GNA14: variants seen among roughly 807,000 people sequenced by gnomAD.
GNA14 encodes guanine nucleotide-binding protein subunit alpha-14.
Under a neutral mutation model 42.0 loss-of-function variants are expected in GNA14, and 50 were observed. The observed-to-expected ratio is 1.19, with a 90% CI of 0.95 to 1.51. GNA14 has a LOEUF of 1.51. Ranked by LOEUF, GNA14 falls within the 40% of genes most tolerant of loss-of-function variation. The pLI, the probability that GNA14 is intolerant of heterozygous loss-of-function variation, is 0.00. For synonymous variants in GNA14, 173 were observed against 163.1 expected (o/e 1.06, Z -0.46); for missense variants, 473 against 446.2 (o/e 1.06, Z -0.54).
chr9:77,639,375 TC>T (rs1824224284), intron 1 of GNA14, among the ~76,000 whole-genome samples: 1 of 152,208 alleles, frequency 6.6e-6, no homozygotes, highest in Non-Finnish European at 1.5e-5. Flanking sequence ...GGGTTGTTAT[TC>T]CCCTTTAACA....
At chr9:77,563,543 C>T (rs1304804397) in intron 1 of GNA14, among the ~76,000 whole-genome samples, 1 of 152,082 alleles carries the variant, frequency 6.6e-6, no homozygotes, top group African/African-American at 2.4e-5. Flanking sequence ...TAAAATATGC[C>T]TGATTCTTCA....
intron 1 of GNA14, among the ~76,000 whole-genome samples, chr9:77,556,992 A>AC (rs548987870): frequency 8.6e-4 from 131 of 152,112 alleles, no homozygotes; most frequent in Non-Finnish European, 1.6e-3. Context: ...ACATTTTTCC[A>AC]CCCCACACAG....
At chr9:77,597,277 G>A (rs375176094) in intron 1 of GNA14, among the ~76,000 whole-genome samples, 1 of 152,104 alleles carries the variant, frequency 6.6e-6, no homozygotes, top group African/African-American at 2.4e-5. Context: ...CAAACCAAAC[G>A]TCTTGCCCTT....
At chr9:77,463,784 G>A (rs2131714537) in intron 2 of GNA14, among the ~76,000 whole-genome samples, 1 of 150,666 alleles carries the variant, frequency 6.6e-6, no homozygotes, top group African/African-American at 2.5e-5. Context: ...ATTGGGATAG[G>A]AGAGCAGCTT....
Position 77,648,091 on chromosome 9 carries a change from C to G in GNA14, c.-298G>C. On this transcript the variant is annotated 5_prime_UTR_variant, in exon 1 of 7. Coordinates refer to ENST00000341700, the MANE Select transcript of GNA14 (RefSeq NM_004297.4). ...GGAGGGCGAGTCGAGAAGTTGGGAGCGTTGCTGGCCCCGGGAAGATGCGCG... is the reference window on the plus strand; with the variant it reads ...GGAGGGCGAGTCGAGAAGTTGGGAGGGTTGCTGGCCCCGGGAAGATGCGCG... 2.3e-6 allele frequency: 1 copy of G among 434,132 alleles called. No individual in the cohort carries two copies. The allele number at this position is 434,132 out of a possible 1,614,324, so 26.9% of individuals were successfully genotyped here.
Position 77,424,096 on chromosome 9 carries a change from C to A in GNA14, c.951G>T (p.Glu317Asp), listed in dbSNP as rs1343395112. The A allele has an allele frequency of 1.2e-6, 2 of 1,612,780 alleles. No individual in the cohort carries two copies. Among genetic ancestry groups the A allele is most frequent in the Admixed American group, 3.3e-5 (2 of 59,944 alleles). The part of the protein sequence containing the change: ...KLYQDQNPDK[E>D]KVIYSHFTCA... ...ATGTGAAGTGAGAGTAGATGACTTT[C>A]TCTTTGTCAGGATTCTGATCTTGGT... Residue 317 changes from glutamate (E) to aspartate (D), a missense_variant, in exon 7 of 7, where the codon GAG becomes GAT. Glu to Asp is a conservative substitution (Grantham distance 45, BLOSUM62 2). Transcript: ENST00000341700.
rs144028473 is a variant in GNA14, at chr9:77,494,033, G to A, written c.309+35036C>T. On this transcript the variant is annotated intron_variant, in intron 2 of 6. Transcript: ENST00000341700. ...CCTCCCGGGTTGAAGTGATTCTCGTGACTCAGCCTCCCAAGTAGCTTGGAT... is the reference window on the plus strand; with the variant it reads ...CCTCCCGGGTTGAAGTGATTCTCGTAACTCAGCCTCCCAAGTAGCTTGGAT... 2.3e-3 allele frequency among the ~76,000 whole-genome samples: 350 copies of A among 152,216 alleles called. 2 individuals are homozygous for A. Among genetic ancestry groups the A allele is most frequent in the African/African-American group, 7.5e-3 (312 of 41,522 alleles).
intron 1 of GNA14, among the ~76,000 whole-genome samples, chr9:77,536,345 G>GT (rs151254985): frequency 6.0e-5 from 9 of 150,568 alleles, no homozygotes; most frequent in African/African-American, 1.2e-4. Flanking sequence ...TTTTTGTTAG[G>GT]TTTTTTTTGT....
chr9:77,576,375 ATC>A (rs1383029811), intron 1 of GNA14, among the ~76,000 whole-genome samples: 2 of 152,226 alleles, frequency 1.3e-5, no homozygotes, highest in African/African-American at 4.8e-5. Context: ...TTTTAAAAAC[ATC>A]TAAATTTTTA....
chr9:77,608,426 A>G (rs769734161), intron 1 of GNA14, among the ~76,000 whole-genome samples: 2 of 152,210 alleles, frequency 1.3e-5, no homozygotes, highest in African/African-American at 2.4e-5. Context: ...TAAATCTGGA[A>G]TGAGTTCTTC....
intron 1 of GNA14, among the ~76,000 whole-genome samples, chr9:77,555,196 A>C (rs1237117710): frequency 6.6e-6 from 1 of 152,204 alleles, no homozygotes; most frequent in East Asian, 1.9e-4. Context: ...TAACACTTTA[A>C]AAGTTTCAGT....
chr9:77,539,401 G>A (rs1236055137), intron 1 of GNA14, among the ~76,000 whole-genome samples: 2 of 152,080 alleles, frequency 1.3e-5, no homozygotes, highest in Non-Finnish European at 2.9e-5. Flanking sequence ...TGTTGGATTT[G>A]GTTTGCTAGT....
In GNA14 at chr9:77,545,709, A is replaced by G. The variant is rs144696363; in HGVS notation, c.125-16456T>C. On this transcript the variant is annotated intron_variant, in intron 1 of 6. Coordinates refer to ENST00000341700, the MANE Select transcript of GNA14 (RefSeq NM_004297.4). Reference sequence around the variant, plus strand: ...GTCAGAGTGTCCAACTCATCCTCACACTGTTCCGCATTACTTTTCCCATAA... The same window carrying G: ...GTCAGAGTGTCCAACTCATCCTCACGCTGTTCCGCATTACTTTTCCCATAA... Among the ~76,000 whole-genome samples, 918 of 152,148 alleles carry G rather than the reference A, an allele frequency of 6.0e-3. 10 individuals carry two copies. The highest frequency in any genetic ancestry group is 0.021 in the African/African-American group (860 of 41,512).
chr9:77,467,235 C>T (rs146488699), intron 2 of GNA14, among the ~76,000 whole-genome samples: 203 of 152,092 alleles, frequency 1.3e-3, no homozygotes, highest in Middle Eastern at 3.4e-3. Context: ...CTAGGAGTCA[C>T]CTCTGGGTCA....
At chr9:77,546,215 C>CAAAA (rs764378681) in intron 1 of GNA14, among the ~76,000 whole-genome samples, 16 of 42,886 alleles carry the variant, frequency 3.7e-4, no homozygotes, top group African/African-American at 6.8e-4. Flanking sequence ...AGCTCCATCT[C>CAAAA]AAAAAAAAAA....
intron 2 of GNA14, among the ~76,000 whole-genome samples, chr9:77,459,619 T>C (rs1281602638): frequency 6.6e-6 from 1 of 152,192 alleles, no homozygotes; most frequent in Non-Finnish European, 1.5e-5. Flanking sequence ...AGCTCTCCAC[T>C]GTCAGTCCCA....
chr9:77,607,136 T>C (rs1043479464), intron 1 of GNA14, among the ~76,000 whole-genome samples: 20 of 152,196 alleles, frequency 1.3e-4, no homozygotes, highest in African/African-American at 4.8e-4. Context: ...TTTCTCTTCT[T>C]ATCTGTAAAA....
intron 1 of GNA14, among the ~76,000 whole-genome samples, chr9:77,600,813 G>T (rs1267418226): frequency 6.6e-6 from 1 of 152,254 alleles, no homozygotes; most frequent in East Asian, 1.9e-4. Flanking sequence ...CAGCTACTGG[G>T]GAGGCTGAGG....
chr9:77,502,645 C>G (rs560940016), intron 2 of GNA14, among the ~76,000 whole-genome samples: 2 of 152,252 alleles, frequency 1.3e-5, no homozygotes, highest in African/African-American at 4.8e-5. Context: ...CTCCACTAGG[C>G]CTCCTGTGAC....
Sources: gnomAD v4.1 joint callset for allele counts (sites outside exome capture counted in the v4.1 genomes callset) on GRCh38, gnomAD v4.1.1 for gene constraint, MANE v1.5 for transcripts, NCBI Gene and HGNC (gene_info 2026-07-23, HGNC 2026-07-21) for gene names.